Variants in GPR158 observed in about 807,000 individuals in gnomAD.
The protein encoded by GPR158 is metabotropic glycine receptor.
In GPR158, 30 loss-of-function variants were observed where a neutral mutation model predicts 78.2. That is an observed-to-expected ratio of 0.38 (90% CI 0.29 to 0.52). The LOEUF (loss-of-function observed/expected upper bound fraction) is 0.52. GPR158 is among the 20% of genes least tolerant of loss of function. The pLI, the probability that GPR158 is intolerant of heterozygous loss-of-function variation, is 0.83. For missense variants in GPR158, 1,463 were observed against 1,523.5 expected (o/e 0.96, Z 0.66); for synonymous variants, 581 against 591.1 (o/e 0.98, Z 0.25).
chr10:25,561,690 G>A (rs1290380957), intron 6 of GPR158, among the ~76,000 whole-genome samples: 2 of 143,358 alleles, frequency 1.4e-5, no homozygotes, highest in Non-Finnish European at 3.0e-5. Flanking sequence ...CAAAGGAGTG[G>A]TTTAGGGAAC....
intron 2 of GPR158, among the ~76,000 whole-genome samples, chr10:25,308,031 G>A (rs1854706751): frequency 6.6e-6 from 1 of 152,016 alleles, no homozygotes; most frequent in African/African-American, 2.4e-5. Context: ...TTTTCCCTTA[G>A]CCTCAACAAC....
chr10:25,465,868 G>T (rs1229889118), intron 4 of GPR158, among the ~76,000 whole-genome samples: 1 of 152,178 alleles, frequency 6.6e-6, no homozygotes, highest in Non-Finnish European at 1.5e-5. Flanking sequence ...TTGAAAGTGA[G>T]GGACTAAGTG....
chr10:25,276,981 A>C (rs1432195601), intron 2 of GPR158, among the ~76,000 whole-genome samples: 2 of 150,250 alleles, frequency 1.3e-5, no homozygotes, highest in African/African-American at 4.9e-5. Context: ...ACAGGGTCTC[A>C]CTCTGTCGCC....
intron 1 of GPR158, among the ~76,000 whole-genome samples, chr10:25,215,701 G>T (rs1853201406): frequency 6.6e-6 from 1 of 152,116 alleles, no homozygotes; most frequent in Non-Finnish European, 1.5e-5. Flanking sequence ...AGGGCGTGGT[G>T]GTGCGCACCT....
chr10:25,314,400 G>C (rs1281831369), intron 2 of GPR158, among the ~76,000 whole-genome samples: 2 of 152,022 alleles, frequency 1.3e-5, no homozygotes, highest in Non-Finnish European at 2.9e-5. Flanking sequence ...CACCCGGTTG[G>C]TTTTCAAATT....
intron 4 of GPR158, among the ~76,000 whole-genome samples, chr10:25,429,965 C>T (rs1203635033): frequency 7.3e-5 from 10 of 136,190 alleles, no homozygotes; most frequent in Non-Finnish European, 1.6e-5. Flanking sequence ...CAGGGATGCC[C>T]TCTCTCACCA....
At chr10:25,565,482 A>AT (rs56657545) in intron 6 of GPR158, among the ~76,000 whole-genome samples, 2,019 of 152,284 alleles carry the variant, frequency 0.013, 47 homozygotes, top group African/African-American at 0.046. Flanking sequence ...AAGTAGAGGG[A>AT]TTGTGGCATG....
At chr10:25,569,861 GA>G in intron 6 of GPR158, among the ~76,000 whole-genome samples, 1 of 152,192 alleles carries the variant, frequency 6.6e-6, no homozygotes, top group East Asian at 1.9e-4. Context: ...AGTTTCTAGA[GA>G]AAAAAATTAT....
chr10:25,206,907 G>T (rs560427175), intron 1 of GPR158, among the ~76,000 whole-genome samples: 1 of 150,210 alleles, frequency 6.7e-6, no homozygotes, highest in East Asian at 1.9e-4. Context: ...GCCAGAAGAC[G>T]TAAGGCTCCT....
intron 5 of GPR158, among the ~76,000 whole-genome samples, chr10:25,510,273 C>T (rs1408331370): frequency 5.9e-5 from 9 of 151,758 alleles, no homozygotes; most frequent in Non-Finnish European, 8.8e-5. Flanking sequence ...AGAGTGTTTC[C>T]GAATGTACCT....
rs1836719340 is a variant in GPR158, at chr10:25,551,052, C to T, written c.1481C>T (p.Thr494Ile). 1.9e-6 allele frequency: 3 copies of T among 1,604,782 alleles called. No individual in the cohort carries two copies. The highest frequency in any genetic ancestry group is 1.7e-5 in the Admixed American group (1 of 59,970). ...LRWARLLGFA[T>I]VYGTVTLKLH... ...TGGGCTCGTCTTCTCGGTTTTGCTA[C>T]TGTTTACGGAACTGTCACTCTCAAA... The change falls in exon 6 of 11, where the codon ACT (threonine) becomes ATT (isoleucine). Residue 494 changes from threonine (T) to isoleucine (I), a missense_variant. By Grantham distance (89) the Thr-to-Ile change is moderately conservative. Coordinates refer to ENST00000376351, the MANE Select transcript of GPR158 (RefSeq NM_020752.3).
intron 2 of GPR158, among the ~76,000 whole-genome samples, chr10:25,262,348 G>A (rs967315856): frequency 8.5e-5 from 13 of 152,132 alleles, no homozygotes; most frequent in Admixed American, 3.3e-4. Context: ...TTCCTCAGGG[G>A]AACATTGTGT....
At chr10:25,567,265 G>T (rs1002509503) in intron 6 of GPR158, among the ~76,000 whole-genome samples, 2 of 152,140 alleles carry the variant, frequency 1.3e-5, no homozygotes, top group Non-Finnish European at 1.5e-5. Context: ...AATCTACCTG[G>T]CAGGCTAAAG....
intron 4 of GPR158, among the ~76,000 whole-genome samples, chr10:25,440,066 TGAAGGTAAAGGTGAACCTGTTGGTA>T (rs1588865404): frequency 6.6e-6 from 1 of 152,340 alleles, no homozygotes; most frequent in East Asian, 1.9e-4. Flanking sequence ...CCTGGCTTCC[TGAAGGTAAAGGTGAACCTGTTGGTA>T]GGTTTTATTG....
intron 2 of GPR158, among the ~76,000 whole-genome samples, chr10:25,389,786 CTG>C (rs1042138701): frequency 3.9e-5 from 6 of 152,226 alleles, no homozygotes; most frequent in Non-Finnish European, 7.4e-5. Flanking sequence ...TTTTAGGTCT[CTG>C]TGGTTCCTGG....
rs74123861 is a variant in GPR158, at chr10:25,337,781, C to T, written c.1009-58130C>T. On this transcript the variant is annotated intron_variant, in intron 2 of 10. Transcript: ENST00000376351. ...CCATATATGAATGAAAAATTTGCTC[C>T]ACACACTTGCCAACCATGATATTGT... Among the ~76,000 whole-genome samples the T allele has an allele frequency of 3.0e-3, 449 of 152,010 alleles. 1 individual carries two copies. The highest frequency in any genetic ancestry group is 0.011 in the African/African-American group (437 of 41,508).
chr10:25,214,518 A>T (rs1853179782), intron 1 of GPR158, among the ~76,000 whole-genome samples: 1 of 152,096 alleles, frequency 6.6e-6, no homozygotes, highest in South Asian at 2.1e-4. Context: ...TACAGGCTTC[A>T]TTCAGGTTTC....
rs147827301 is a variant in GPR158 at position 25,486,421 on chromosome 10, T to C, written c.1404+19702T>C. Among the ~76,000 whole-genome samples, 140 of 152,256 alleles carry C rather than the reference T, an allele frequency of 9.2e-4. 3 individuals carry two copies. The East Asian group carries it at 0.019, about 21-fold the overall frequency. On this transcript the variant is annotated intron_variant, in intron 5 of 10. Coordinates refer to ENST00000376351, the MANE Select transcript of GPR158 (RefSeq NM_020752.3). ...GCCTCTTTAGACCTCTATTTCTTCA[T>C]CTGTAAAATGAAAGTAATAACGTCA...
At chr10:25,309,215 C>CTGTGTG (rs111485518) in intron 2 of GPR158, among the ~76,000 whole-genome samples, 14,811 of 150,520 alleles carry the variant, frequency 0.098, 1,038 homozygotes, top group African/African-American at 0.2. Flanking sequence ...TTGTTATTTT[C>CTGTGTG]TGTGTGTGTG....
Sources: gnomAD v4.1 joint callset for allele counts (sites outside exome capture counted in the v4.1 genomes callset) on GRCh38, gnomAD v4.1.1 for gene constraint, MANE v1.5 for transcripts, NCBI Gene and HGNC (gene_info 2026-07-23, HGNC 2026-07-21) for gene names.